The following SFMBT2 variants were observed in gnomAD, a reference collection of about 807,000 sequenced individuals.
SFMBT2 encodes scm-like with four MBT domains protein 2.
Under a neutral mutation model 110.1 loss-of-function variants are expected in SFMBT2, and 38 were observed. The ratio of observed to expected loss-of-function variants is 0.35; its 90% CI spans 0.27 to 0.45. SFMBT2 has a LOEUF of 0.45. Among genes scored for constraint, SFMBT2 ranks in the 20% least tolerant of loss-of-function variants. The pLI is 1.00. For missense variants in SFMBT2, 1,011 were observed against 1,094.9 expected (o/e 0.92, Z 1.08); for synonymous variants, 425 against 425.4 (o/e 1.00, Z 0.01).
chr10:7,336,588 A>G (rs1368845535), intron 4 of SFMBT2, among the ~76,000 whole-genome samples: 1 of 152,176 alleles, frequency 6.6e-6, no homozygotes, highest in Non-Finnish European at 1.5e-5. Context: ...CAGGAGTTCA[A>G]GGATGCAGTG....
rs186653588 is a variant in SFMBT2, at chr10:7,182,059, T to A, written c.1809-5894A>T. Among the ~76,000 whole-genome samples, 53 of 152,278 alleles carry A rather than the reference T, an allele frequency of 3.5e-4. No homozygotes were observed. In the Middle Eastern group the frequency reaches 0.014, roughly 39 times the overall value. On this transcript the variant is annotated intron_variant, in intron 16 of 20. Transcript: ENST00000397167. ...GATGACCTGTTCTTTCTTTCCTTTT[T>A]TTTTGAGACAGGCTCTCACCCAGGC...
intron 15 of SFMBT2, 102 bp from the exon 16 acceptor site, chr10:7,188,835 G>T: frequency 2.2e-6 from 2 of 890,216 alleles, no homozygotes; most frequent in Non-Finnish European, 3.5e-6. Flanking sequence ...GGAACAGCTC[G>T]CCACTACACC....
intron 4 of SFMBT2, among the ~76,000 whole-genome samples, chr10:7,354,826 A>AG (rs1373163759): frequency 6.6e-6 from 1 of 152,244 alleles, no homozygotes; most frequent in African/African-American, 2.4e-5. Context: ...GAAAAGCACT[A>AG]GAGCACAGAA....
chr10:7,315,038 G>GAGAAAGAAAGAAAGAAAGAAAGAAAGAA (rs545155500), intron 4 of SFMBT2, among the ~76,000 whole-genome samples: 3 of 82,176 alleles, frequency 3.7e-5, no homozygotes, highest in African/African-American at 5.2e-5. Context: ...AAGAAAGAAA[G>GAGAAAGAAAGAAAGAAAGAAAGAAAGAA]AGAAAGAAAG....
chr10:7,300,910 T>C (rs1008062154), intron 4 of SFMBT2, among the ~76,000 whole-genome samples: 4 of 152,244 alleles, frequency 2.6e-5, no homozygotes, highest in Non-Finnish European at 4.4e-5. Flanking sequence ...AGAAAGATGA[T>C]AAATTGCTTC....
chr10:7,167,828 C>T (rs920957064), intron 20 of SFMBT2, among the ~76,000 whole-genome samples: 3 of 152,136 alleles, frequency 2.0e-5, no homozygotes, highest in Admixed American at 2.0e-4. Flanking sequence ...ATCTATTTTT[C>T]TCTCTCGTAA....
intron 4 of SFMBT2, chr10:7,329,559 A>G: frequency 1.0e-6 from 1 of 975,320 alleles, no homozygotes; most frequent in Non-Finnish European, 1.2e-6. Flanking sequence ...AAACTGCCCT[A>G]GCGCCCAGGG....
intron 1 of SFMBT2, among the ~76,000 whole-genome samples, chr10:7,393,102 A>G (rs1845827908): frequency 1.4e-5 from 2 of 145,074 alleles, no homozygotes; most frequent in African/African-American, 5.1e-5. Flanking sequence ...GTGTGATCTC[A>G]GCTCACTCAA....
chr10:7,258,223 G>A (rs558434440), intron 7 of SFMBT2, among the ~76,000 whole-genome samples: 5 of 152,314 alleles, frequency 3.3e-5, no homozygotes, highest in Admixed American at 1.3e-4. Flanking sequence ...GTGAGCCACC[G>A]TGCCTGGCTC....
intron 1 of SFMBT2, among the ~76,000 whole-genome samples, chr10:7,407,487 C>G (rs1463840091): frequency 6.6e-6 from 1 of 152,092 alleles, no homozygotes; most frequent in Non-Finnish European, 1.5e-5. Context: ...TCGGATCAGC[C>G]GCGGCTGTGC....
intron 10 of SFMBT2, among the ~76,000 whole-genome samples, chr10:7,225,478 C>T (rs532190306): frequency 1.1e-4 from 17 of 152,284 alleles, no homozygotes; most frequent in Admixed American, 7.8e-4. Flanking sequence ...ATCACCAATG[C>T]GATGCATACG....
intron 1 of SFMBT2, among the ~76,000 whole-genome samples, chr10:7,403,451 T>C (rs961508953): frequency 6.6e-5 from 10 of 152,148 alleles, no homozygotes; most frequent in African/African-American, 2.2e-4. Flanking sequence ...AACACCAGCC[T>C]GGCCAACATG....
rs776913149 is a variant in SFMBT2 at position 7,367,627 on chromosome 10, A to G, written c.436+22T>C. On this transcript the variant is annotated intron_variant, in intron 4 of 20. Coordinates refer to ENST00000397167, the MANE Select transcript of SFMBT2 (RefSeq NM_001387889.1). The surrounding 1 kb of genome is among the most constrained non-coding windows in gnomAD (Gnocchi z 6.2). ...TGAAGGATGGCGGCTCGTAAATCGA[A>G]GCCTTTGAAACAGGGGCTCACCGTC... 6.3e-7 allele frequency: 1 copy of G among 1,598,932 alleles called. No individual in the cohort carries two copies. Among genetic ancestry groups the G allele is most frequent in the Non-Finnish European group, 8.5e-7 (1 of 1,170,548 alleles).
chr10:7,193,808 C>T (rs369591104), intron 15 of SFMBT2, among the ~76,000 whole-genome samples: 3 of 152,250 alleles, frequency 2.0e-5, no homozygotes, highest in Admixed American at 6.5e-5. Context: ...CTGAACACCT[C>T]GTGCAATGCA....
rs185147366 is a variant in SFMBT2, at chr10:7,382,311, G to A, written c.-51-362C>T. The stretch of plus-strand genomic sequence containing the variant: ...TGCAATTACAGCTACTCAGGAGGCT[G>A]AGGCAGGAGAATCGCTTGAACCTGG... On this transcript the variant is annotated intron_variant, in intron 1 of 20. Coordinates refer to ENST00000397167, the MANE Select transcript of SFMBT2 (RefSeq NM_001387889.1). Among the ~76,000 whole-genome samples, 1,300 of 152,292 alleles carry A rather than the reference G, an allele frequency of 8.5e-3. 15 individuals are homozygous for A. The highest frequency in any genetic ancestry group is 0.012 in the Non-Finnish European group (839 of 68,028).
intron 4 of SFMBT2, among the ~76,000 whole-genome samples, chr10:7,357,849 T>C (rs1266569939): frequency 1.3e-5 from 2 of 152,138 alleles, no homozygotes; most frequent in Non-Finnish European, 2.9e-5. Flanking sequence ...CGGCAGAACC[T>C]AAGGACTCGA....
In SFMBT2 at chr10:7,257,975, G is replaced by A. The variant is rs190705690; in HGVS notation, c.871-9326C>T. ...CATTGAGGTAGGGTCTCTGCCACCC[G>A]GGCTGAAGTGCAATGATGCAATCAA... On this transcript the variant is annotated intron_variant, in intron 7 of 20. Coordinates refer to ENST00000397167, the MANE Select transcript of SFMBT2 (RefSeq NM_001387889.1). 3.4e-4 allele frequency among the ~76,000 whole-genome samples: 52 copies of A among 152,162 alleles called. 1 individual carries two copies. In the East Asian group the frequency reaches 6.0e-3, roughly 18 times the overall value.
intron 17 of SFMBT2, among the ~76,000 whole-genome samples, chr10:7,173,325 G>C (rs946979727): frequency 2.6e-5 from 4 of 152,218 alleles, no homozygotes; most frequent in Non-Finnish European, 4.4e-5. Flanking sequence ...CTGCTCCCAA[G>C]TCTGAATCTT....
At position 7,172,285 on chromosome 10, in the gene SFMBT2, A is replaced by G. The variant is rs1159630279; in HGVS notation, c.2152-127T>C. The G allele has an allele frequency of 6.9e-7, 1 of 1,451,698 alleles. No homozygotes were observed. Among genetic ancestry groups the G allele is most frequent in the Non-Finnish European group, 9.1e-7 (1 of 1,104,528 alleles). 89.9% of individuals were successfully genotyped at this position (1,451,698 alleles called of 1,614,324 possible). Reference sequence around the variant, plus strand: ...CCTCGGAAATGGAGCCAGTGGTCCCACCCGTGGGCCCTACGAGGCCCTTCC... The same window carrying G: ...CCTCGGAAATGGAGCCAGTGGTCCCGCCCGTGGGCCCTACGAGGCCCTTCC... On this transcript the variant is annotated intron_variant, in intron 18 of 20. Transcript: ENST00000397167. This position sits in a 1 kb window ranked among gnomAD's most constrained non-coding sequence, Gnocchi z 4.6.
Sources: gnomAD v4.1 joint callset for allele counts (sites outside exome capture counted in the v4.1 genomes callset) on GRCh38, gnomAD v4.1.1 for gene constraint, Gnocchi (gnomAD v3.1) non-coding constraint, MANE v1.5 for transcripts, NCBI Gene and HGNC (gene_info 2026-07-23, HGNC 2026-07-21) for gene names.